EN1: variants seen among roughly 807,000 people sequenced by gnomAD.
EN1 encodes the protein homeobox protein engrailed-1.
A neutral mutation model predicts 22.9 loss-of-function variants in EN1; 8 were observed. That is an observed-to-expected ratio of 0.35 (90% CI 0.20 to 0.63). The LOEUF is 0.63. EN1 is among the 20% of genes least tolerant of loss of function. The pLI, the probability that EN1 is intolerant of heterozygous loss-of-function variation, is 0.73. For synonymous variants in EN1, 287 were observed against 262.5 expected (o/e 1.09, Z -0.90); for missense variants, 521 against 572.1 (o/e 0.91, Z 0.91).
chr2:118,843,025 G>C lies in EN1; in HGVS notation c.1092C>G (p.Ile364Met), dbSNP rs769343130. 1.6e-5 allele frequency: 26 copies of C among 1,614,162 alleles called. No homozygotes were observed. The highest frequency in any genetic ancestry group is 2.2e-5 in the Non-Finnish European group (26 of 1,180,018). Residue 364 changes from isoleucine to methionine, a missense_variant, in exon 2 of 2, where the codon ATC (isoleucine) becomes ATG (methionine). By Grantham distance (10) the Ile-to-Met change is conservative. Transcript: ENST00000295206. ...TGAGGTGCAGCGCCAGGCCGTTCTT[G>C]ATGCCTGTGGCTTTCTTGATCTTGG... ...KRAKIKKATG[I>M]KNGLALHLMA... is the part of the protein sequence containing the mutation.
chr2:118,847,135 C>T lies in EN1; in HGVS notation c.33G>A (p.Gln11=). MEEQQPEPKS[Q]RDSALGAAAA... ...CCGCCGCGCCGAGGGCCGAGTCGCG[C>T]TGACTTTTAGGTTCCGGCTGCTGTT... The change falls in exon 1 of 2, where the codon CAG becomes CAA. Residue 11 remains glutamine (Q), a synonymous_variant. Transcript: ENST00000295206. The T allele has an allele frequency of 7.7e-7, 1 of 1,303,646 alleles. No individual in the cohort carries two copies. Among genetic ancestry groups the T allele is most frequent in the Non-Finnish European group, 1.0e-6 (1 of 980,234 alleles). 80.8% of individuals were successfully genotyped at this position (1,303,646 alleles called of 1,614,324 possible). A position where few individuals can be genotyped will look rare whatever the true frequency, so the allele number is the denominator to read the frequency against.
In EN1 at chr2:118,842,254, C is replaced by G. The variant is rs959682160; in HGVS notation, c.*684G>C. On this transcript the variant is annotated 3_prime_UTR_variant, in exon 2 of 2. Transcript: ENST00000295206. ...TTGGCTTGTAGCGGCGGTTCAGTCT[C>G]GCAGTCTGTGGGGTCGTATTTCTCA... 6.6e-6 allele frequency: 1 copy of G among 152,644 alleles called. No individual in the cohort carries two copies. Among genetic ancestry groups the G allele is most frequent in the Non-Finnish European group, 1.5e-5 (1 of 68,092 alleles). 9.5% of individuals were successfully genotyped at this position (152,644 alleles called of 1,614,324 possible).
chr2:118,847,253 G>C lies in EN1; in HGVS notation c.-86C>G. The C allele has an allele frequency of 2.2e-6, 1 of 445,488 alleles. No homozygotes were observed. The highest frequency in any genetic ancestry group is 3.8e-6 in the Non-Finnish European group (1 of 263,522). 27.6% of individuals were successfully genotyped at this position (445,488 alleles called of 1,614,324 possible). The stretch of plus-strand genomic sequence containing the variant: ...CACCCCACTTTGCCAGCGGCCCGTG[G>C]GGGTGCGCGGAGGAAGGAGGCAGGC... On this transcript the variant is annotated 5_prime_UTR_variant, in exon 1 of 2. Transcript: ENST00000295206.
intron 1 of EN1, among the ~76,000 whole-genome samples, chr2:118,844,953 A>G (rs1678245660): frequency 6.6e-6 from 1 of 152,250 alleles, no homozygotes; most frequent in African/African-American, 2.4e-5. Context: ...ACACAGCCCC[A>G]AAAAGGCCCC....
In EN1 at chr2:118,847,245, G is replaced by T; in HGVS notation, c.-78C>A. On this transcript the variant is annotated 5_prime_UTR_variant, in exon 1 of 2. Transcript: ENST00000295206. ...TCGCTCCCCACCCCACTTTGCCAGCGGCCCGTGGGGGTGCGCGGAGGAAGG... is the reference window on the plus strand; with the variant it reads ...TCGCTCCCCACCCCACTTTGCCAGCTGCCCGTGGGGGTGCGCGGAGGAAGG... 1 of 454,272 alleles carries T rather than the reference G, an allele frequency of 2.2e-6. No individual in the cohort carries two copies. The highest frequency in any genetic ancestry group is 3.7e-6 in the Non-Finnish European group (1 of 270,664). 28.1% of individuals were successfully genotyped at this position (454,272 alleles called of 1,614,324 possible).
rs1678202630 is a variant in EN1 at position 118,842,368 on chromosome 2, A to G, written c.*570T>C. On this transcript the variant is annotated 3_prime_UTR_variant, in exon 2 of 2. Coordinates refer to ENST00000295206, the MANE Select transcript of EN1 (RefSeq NM_001426.4). The stretch of plus-strand genomic sequence containing the variant: ...GGGGGAGAAGAGGTGGGCAGACACG[A>G]AAGGAAACACACTCTCGCACACAAA... 6.6e-6 allele frequency: 1 copy of G among 152,490 alleles called. No homozygotes were observed. 9.4% of individuals were successfully genotyped at this position (152,490 alleles called of 1,614,324 possible). A position where few individuals can be genotyped will look rare whatever the true frequency, so the allele number is the denominator to read the frequency against.
chr2:118,843,468 C>T (rs191744426), intron 1 of EN1, among the ~76,000 whole-genome samples: 423 of 152,268 alleles, frequency 2.8e-3, no homozygotes, highest in East Asian at 0.015. Flanking sequence ...CCACTGGGGT[C>T]CCCGGGTTCC....
rs917356867 is a variant in EN1, at chr2:118,843,363, C to A, written c.863-109G>T. 1.2e-5 allele frequency: 12 copies of A among 971,666 alleles called. No homozygotes were observed. In the South Asian group the frequency reaches 1.7e-4, roughly 14 times the overall value. 60.2% of individuals were successfully genotyped at this position (971,666 alleles called of 1,614,324 possible). ...AGAATAGCATTGCCGAGCTGGGCCGCGAGCCCCGCGCTTCCGGGGCGATCT... is the reference window on the plus strand; with the variant it reads ...AGAATAGCATTGCCGAGCTGGGCCGAGAGCCCCGCGCTTCCGGGGCGATCT... On this transcript the variant is annotated intron_variant, in intron 1 of 1. Coordinates refer to ENST00000295206, the MANE Select transcript of EN1 (RefSeq NM_001426.4).
At position 118,842,267 on chromosome 2, in the gene EN1, G is replaced by A. The variant is rs912957003; in HGVS notation, c.*671C>T. 1.3e-5 allele frequency: 2 copies of A among 152,682 alleles called. No homozygotes were observed. The highest frequency in any genetic ancestry group is 2.9e-5 in the Non-Finnish European group (2 of 68,108). 9.5% of individuals were successfully genotyped at this position (152,682 alleles called of 1,614,324 possible). On this transcript the variant is annotated 3_prime_UTR_variant, in exon 2 of 2. Coordinates refer to ENST00000295206, the MANE Select transcript of EN1 (RefSeq NM_001426.4). ...GCGGTTCAGTCTCGCAGTCTGTGGG[G>A]TCGTATTTCTCAACAAGTCTCCGGA...
At chr2:118,845,251 C>G (rs1261925382) in intron 1 of EN1, among the ~76,000 whole-genome samples, 3 of 152,218 alleles carry the variant, frequency 2.0e-5, no homozygotes, top group Non-Finnish European at 2.9e-5. Flanking sequence ...AGGAAAGCGG[C>G]GCGTGGCTAC....
At position 118,846,290 on chromosome 2, in the gene EN1, GGA is replaced by G; in HGVS notation, c.862+14_862+15del. ...GGGGCCAGAAGGCATGGCGCAGCCCGGAGTTGGGTACTCACCGGAGGATGGAC... is the reference window on the plus strand; with the variant it reads ...GGGGCCAGAAGGCATGGCGCAGCCCGGTTGGGTACTCACCGGAGGATGGAC... On this transcript the variant is annotated intron_variant, in intron 1 of 1. Coordinates refer to ENST00000295206, the MANE Select transcript of EN1 (RefSeq NM_001426.4). This position sits in a 1 kb window ranked among gnomAD's most constrained non-coding sequence, Gnocchi z 5.0. 4 of 1,605,014 alleles carry G rather than the reference GGA, an allele frequency of 2.5e-6. No homozygotes were observed. The highest frequency in any genetic ancestry group is 3.4e-6 in the Non-Finnish European group (4 of 1,176,146).
At position 118,842,943 on chromosome 2, in the gene EN1, C is replaced by A. The variant is rs1359135475; in HGVS notation, c.1174G>T (p.Glu392Ter). ...TTTVQDKDES[E>*] ...GCGGCCCCGGCCTGTGGCGGCTACT[C>A]GCTCTCGTCTTTGTCCTGGACCGTG... The change falls in exon 2 of 2, where the codon GAG (glutamate) becomes TAG (stop). Residue 392 changes from glutamate (E) to a stop codon, truncating the protein, a stop_gained. Coordinates refer to ENST00000295206, the MANE Select transcript of EN1 (RefSeq NM_001426.4). LOFTEE classifies it high-confidence loss of function. 1.2e-6 allele frequency: 2 copies of A among 1,600,064 alleles called. No individual in the cohort carries two copies. The highest frequency in any genetic ancestry group is 1.7e-5 in the Admixed American group (1 of 59,710).
chr2:118,844,659 G>T (rs1558800746), intron 1 of EN1, among the ~76,000 whole-genome samples: 2 of 152,238 alleles, frequency 1.3e-5, no homozygotes, highest in African/African-American at 4.8e-5. Context: ...CCTAGCTACA[G>T]AGAGGAAGGC....
rs1202334837 is a variant in EN1 at position 118,847,188 on chromosome 2, C to T, written c.-21G>A. 2.6e-6 allele frequency: 2 copies of T among 763,360 alleles called. No individual in the cohort carries two copies. Among genetic ancestry groups the T allele is most frequent in the African/African-American group, 1.9e-5 (1 of 53,678 alleles). The allele number at this position is 763,360 out of a possible 1,614,324, so 47.3% of individuals were successfully genotyped here. On this transcript the variant is annotated 5_prime_UTR_variant, in exon 1 of 2. Coordinates refer to ENST00000295206, the MANE Select transcript of EN1 (RefSeq NM_001426.4). ...TCCATGCTCGGCCGCCCCGCCGCCC[C>T]GGCCGCCGCGCCGGCCCCCGCCCCC...
Position 118,842,737 on chromosome 2 carries a change from C to A in EN1, c.*201G>T. 1 of 929,712 alleles carries A rather than the reference C, an allele frequency of 1.1e-6. No individual in the cohort carries two copies. Among genetic ancestry groups the A allele is most frequent in the East Asian group, 2.7e-5 (1 of 36,470 alleles). The allele number at this position is 929,712 out of a possible 1,614,324, so 57.6% of individuals were successfully genotyped here. A position where few individuals can be genotyped will look rare whatever the true frequency, so the allele number is the denominator to read the frequency against. On this transcript the variant is annotated 3_prime_UTR_variant, in exon 2 of 2. Transcript: ENST00000295206. ...GAATGGATCTTATTTTTCGATAGCA[C>A]CTGTCCGAGTCTTTCTCCCTTTTCA...
chr2:118,843,240 T>G lies in EN1; in HGVS notation c.877A>C (p.Lys293Gln), dbSNP rs1230536946. 8.0e-7 allele frequency: 1 copy of G among 1,252,214 alleles called. No individual in the cohort carries two copies. Among genetic ancestry groups the G allele is most frequent in the Non-Finnish European group, 1.0e-6 (1 of 957,394 alleles). The allele number at this position is 1,252,214 out of a possible 1,614,324, so 77.6% of individuals were successfully genotyped here. ...DRPSSGPRTRKLKKKKNEKED... is the reference protein window; with the variant it reads ...DRPSSGPRTRQLKKKKNEKED... ...TTCTCGTTCTTCTTCTTCTTCAGCT[T>G]CCTGGTGCGCGGACCTGCAGCGGCG... The change falls in exon 2 of 2, where the codon AAG becomes CAG. Residue 293 changes from lysine (K) to glutamine (Q), a missense_variant. By Grantham distance (53) the Lys-to-Gln change is moderately conservative (BLOSUM62 1). This residue lies in a region of EN1 where 50 missense variants were observed against 121.8 expected (regional missense o/e 0.41). Transcript: ENST00000295206.
In EN1 at chr2:118,846,655, G is replaced by A. The variant is rs375477142; in HGVS notation, c.513C>T (p.Cys171=). 2,426 of 1,559,520 alleles carry A rather than the reference G, an allele frequency of 1.6e-3. 1 individual carries two copies. The highest frequency in any genetic ancestry group is 2.0e-3 in the Non-Finnish European group (2,280 of 1,163,008). Residue 171 remains cysteine (C), a synonymous_variant, in exon 1 of 2, where the codon TGC becomes TGT. Transcript: ENST00000295206. The surrounding 1 kb of genome is among the most constrained non-coding windows in gnomAD (Gnocchi z 5.0). ...GTGGGCCACAGTTCGCGTCCGGGGC[G>A]CACAGGAGCGAGGCAGCGCCTGGCG... is the stretch of plus-strand genomic sequence containing the variant. ...TRAPGAASLL[C]APDANCGPPD... is the part of the protein sequence containing the mutation.
At position 118,846,978 on chromosome 2, in the gene EN1, A is replaced by G; in HGVS notation, c.190T>C (p.Cys64Arg). The change falls in exon 1 of 2, where the codon TGC (cysteine) becomes CGC (arginine). Residue 64 changes from cysteine (C) to arginine (R), a missense_variant. Around this residue, in one of 3 missense-constraint regions of EN1, gnomAD observed 436 missense variants for 410.1 expected, o/e 1.06. Transcript: ENST00000295206. The surrounding 1 kb of genome is among the most constrained non-coding windows in gnomAD (Gnocchi z 5.0). ...PAPPSPPAAP[C>R]LPPLAHHPHL... ...GGGTGGTGGGCCAGGGGCGGCAGGC[A>G]AGGCGCCGCGGGCGGCGAGGGGGGC... 1.5e-6 allele frequency: 2 copies of G among 1,369,724 alleles called. No homozygotes were observed. Among genetic ancestry groups the G allele is most frequent in the South Asian group, 1.8e-5 (1 of 56,836 alleles). The allele number at this position is 1,369,724 out of a possible 1,614,324, so 84.8% of individuals were successfully genotyped here. A position where few individuals can be genotyped will look rare whatever the true frequency, so the allele number is the denominator to read the frequency against.
In EN1 at chr2:118,844,790, C is replaced by G. The variant is rs530200264; in HGVS notation, c.862+1516G>C. ...GGGTCGAGGCTCATCCCCTCCTCCC[C>G]CAACTGCCCAAGCAGGAGAAGGAGC... On this transcript the variant is annotated intron_variant, in intron 1 of 1. Transcript: ENST00000295206. Among the ~76,000 whole-genome samples, 217 of 152,350 alleles carry G rather than the reference C, an allele frequency of 1.4e-3. 1 individual carries two copies. Among genetic ancestry groups the G allele is most frequent in the Non-Finnish European group, 2.6e-3 (176 of 68,028 alleles).
Sources: gnomAD v4.1 joint callset for allele counts (sites outside exome capture counted in the v4.1 genomes callset) on GRCh38, gnomAD v4.1.1 for gene constraint, gnomAD v4.1.1 regional missense constraint, Gnocchi (gnomAD v3.1) non-coding constraint, MANE v1.5 for transcripts, NCBI Gene and HGNC (gene_info 2026-07-23, HGNC 2026-07-21) for gene names.